Variants in FLT4 observed in about 807,000 individuals in gnomAD.
The protein encoded by FLT4 is vascular endothelial growth factor receptor 3.
A neutral mutation model predicts 163.2 loss-of-function variants in FLT4; 30 were observed. The observed-to-expected ratio is 0.18, with a 90% CI of 0.14 to 0.25. The LOEUF (loss-of-function observed/expected upper bound fraction) is 0.25. Among genes scored for constraint, FLT4 ranks in the 10% least tolerant of loss-of-function variants. The pLI is 1.00. For synonymous variants in FLT4, 884 were observed against 789.5 expected, an observed-to-expected ratio of 1.12 and a Z score of -2.01; for missense variants, 1,510 against 1,863.8, an observed-to-expected ratio of 0.81 and a Z score of 3.50.
chr5:180,620,801 C>A lies in FLT4; in HGVS notation c.2299+75G>T. ...GCAGCACCCCTTCTGGTGGCCACGA[C>A]TTGCCCAAGGTGGCCACAAGAAAGC... On this transcript the variant is annotated intron_variant, in intron 15 of 29. Transcript: ENST00000261937. The surrounding 1 kb of genome is among the most constrained non-coding windows in gnomAD (Gnocchi z 4.4). 6.2e-7 allele frequency: 1 copy of A among 1,605,744 alleles called. No individual in the cohort carries two copies. Among genetic ancestry groups the A allele is most frequent in the Non-Finnish European group, 8.5e-7 (1 of 1,175,384 alleles).
intron 23 of FLT4, among the ~76,000 whole-genome samples, chr5:180,615,439 T>TG (rs780855437): frequency 4.9e-3 from 61 of 12,538 alleles, no homozygotes; most frequent in South Asian, 0.021. Context: ...TTCGGAGCAC[T>TG]GGGCCCGCCG....
chr5:180,626,316 A>G, intron 8 of FLT4, 51 bp from the exon 9 acceptor site: 1 of 1,594,614 alleles, frequency 6.3e-7, no homozygotes, highest in East Asian at 2.2e-5. Flanking sequence ...CACAGCCCCA[A>G]CCTCATGCTG....
chr5:180,605,779 A>C (rs1761749943), intron 29 of FLT4, among the ~76,000 whole-genome samples: 1 of 152,226 alleles, frequency 6.6e-6, no homozygotes, highest in African/African-American at 2.4e-5. Flanking sequence ...GCACGCAGCC[A>C]TGCTGAGTGA....
At chr5:180,643,405 C>T (rs2034543053) in intron 1 of FLT4, among the ~76,000 whole-genome samples, 1 of 152,186 alleles carries the variant, frequency 6.6e-6, no homozygotes. Context: ...TTTCTGGCCG[C>T]AGAACCCCTC....
intron 29 of FLT4, among the ~76,000 whole-genome samples, chr5:180,604,893 CTG>C (rs1581600054): frequency 1.3e-5 from 2 of 152,354 alleles, no homozygotes; most frequent in East Asian, 3.9e-4. Flanking sequence ...CGTCCATCCT[CTG>C]TGTCTGGCAC....
At chr5:180,627,389 G>A (rs1480892350) in intron 8 of FLT4, among the ~76,000 whole-genome samples, 6 of 152,176 alleles carry the variant, frequency 3.9e-5, no homozygotes, top group Non-Finnish European at 8.8e-5. Flanking sequence ...GCATGGCTCT[G>A]GTCCTGAGTC....
chr5:180,621,530 G>C lies in FLT4; in HGVS notation c.2020+12C>G, dbSNP rs1476182791. ...GAGAGCGCGTCCCCGCCCTCCCCGC[G>C]GCCAGCCTCACCCTGCACCGACAGG... On this transcript the variant is annotated intron_variant, in intron 13 of 29. Coordinates refer to ENST00000261937, the MANE Select transcript of FLT4 (RefSeq NM_182925.5). 4.3e-6 allele frequency: 7 copies of C among 1,611,050 alleles called. No homozygotes were observed. In the South Asian group the frequency reaches 5.5e-5, roughly 13 times the overall value.
At chr5:180,613,704 C>A in intron 24 of FLT4, 1 of 388,634 alleles carries the variant, frequency 2.6e-6, no homozygotes, top group Non-Finnish European at 4.9e-6. Context: ...GGCCTGGAGA[C>A]TTCATCATGC....
rs2127836726 is a variant in FLT4 at position 180,630,210 on chromosome 5, G to A, written c.513+15C>T. The stretch of plus-strand genomic sequence containing the variant: ...GATGGGAGGGTCGGATGCTGGGGTT[G>A]GGGTGGGGCCGTACCGAGCGCAGCG... On this transcript the variant is annotated intron_variant, in intron 4 of 29. Transcript: ENST00000261937. This position sits in a 1 kb window ranked among gnomAD's most constrained non-coding sequence, Gnocchi z 6.3. The A allele has an allele frequency of 6.2e-7, 1 of 1,610,808 alleles. No individual in the cohort carries two copies. Among genetic ancestry groups the A allele is most frequent in the Non-Finnish European group, 8.5e-7 (1 of 1,178,394 alleles).
At position 180,626,029 on chromosome 5, in the gene FLT4, G is replaced by A. The variant is rs776682740; in HGVS notation, c.1261C>T (p.Pro421Ser). ...GCCTCCTTCTCATGTATCTGGGGGGGCACTGTGGGCACACAGATGGCCGGT... is the reference window on the plus strand; with the variant it reads ...GCCTCCTTCTCATGTATCTGGGGGGACACTGTGGGCACACAGATGGCCGGT... Reference protein sequence around the residue: ...NISLELVVNVPPQIHEKEASS... With the variant: ...NISLELVVNVSPQIHEKEASS... Residue 421 changes from proline to serine, a missense_variant and splice_region_variant, in exon 10 of 30, where the codon CCC becomes TCC. Pro to Ser is a moderately conservative substitution (Grantham distance 74). Around this residue, in one of 5 missense-constraint regions of FLT4, gnomAD observed 878 missense variants for 1,016.7 expected, o/e 0.86. Transcript: ENST00000261937. 4.3e-6 allele frequency: 7 copies of A among 1,612,570 alleles called. No individual in the cohort carries two copies. In the East Asian group the frequency reaches 1.3e-4, roughly 31 times the overall value.
chr5:180,631,066 C>T (rs930398336), intron 2 of FLT4, among the ~76,000 whole-genome samples: 2 of 152,060 alleles, frequency 1.3e-5, no homozygotes, highest in East Asian at 1.9e-4. Context: ...CTCTGGGGCC[C>T]CAGTGGGTGC....
At chr5:180,612,972 T>C in intron 25 of FLT4, 39 bp downstream of exon 25, 1 of 1,525,476 alleles carries the variant, frequency 6.6e-7, no homozygotes, top group Non-Finnish European at 9.0e-7. Flanking sequence ...CCCCGACGCT[T>C]GCTGTCCCCA....
chr5:180,608,146 T>A, intron 29 of FLT4: 1 of 700,462 alleles, frequency 1.4e-6, no homozygotes, highest in Non-Finnish European at 2.6e-6. Context: ...GCTCCTCTTG[T>A]CCTCCTGGTT....
In FLT4 at chr5:180,609,996, C is replaced by A. The variant is rs770911540; in HGVS notation, c.3716G>T (p.Cys1239Phe). The change falls in exon 28 of 30, where the codon TGC (cysteine) becomes TTC (phenylalanine). Residue 1239 changes from cysteine (C) to phenylalanine (F), a missense_variant. This residue lies in a region of FLT4 where 295 missense variants were observed against 311.0 expected (regional missense o/e 0.95). Coordinates refer to ENST00000261937, the MANE Select transcript of FLT4 (RefSeq NM_182925.5). ...ACGGGTCTCAGCCCCTCTGGCCAGG[C>A]ACCCGGGAAAGGACACCCAGTTGTA... ...RYYNWVSFPG[C>F]LARGAETRGS... The A allele has an allele frequency of 6.2e-7, 1 of 1,614,194 alleles. No homozygotes were observed. Among genetic ancestry groups the A allele is most frequent in the Admixed American group, 1.7e-5 (1 of 60,030 alleles).
Position 180,620,635 on chromosome 5 carries a change from G to C in FLT4, c.2380C>G (p.Leu794Val). The C allele has an allele frequency of 6.2e-7, 1 of 1,612,984 alleles. No homozygotes were observed. The highest frequency in any genetic ancestry group is 8.5e-7 in the Non-Finnish European group (1 of 1,179,484). ...VIAVFFWVLLLLIFCNMRRPA... is the reference protein window; with the variant it reads ...VIAVFFWVLLVLIFCNMRRPA... ...CTCCTCATGTTACAGAAGATGAGGA[G>C]GAGGAGGACCCAGAAGAAGACAGCG... is the stretch of plus-strand genomic sequence containing the variant. Residue 794 changes from leucine to valine, a missense_variant, in exon 16 of 30, where the codon CTC becomes GTC. Around this residue, in one of 5 missense-constraint regions of FLT4, gnomAD observed 878 missense variants for 1,016.7 expected, o/e 0.86. Coordinates refer to ENST00000261937, the MANE Select transcript of FLT4 (RefSeq NM_182925.5). This position sits in a 1 kb window ranked among gnomAD's most constrained non-coding sequence, Gnocchi z 4.4.
At chr5:180,612,460 G>T in intron 26 of FLT4, 46 bp downstream of exon 26, 1 of 1,411,300 alleles carries the variant, frequency 7.1e-7, no homozygotes, top group Non-Finnish European at 1.0e-6. Context: ...GGGACCCAGG[G>T]CAGGGGCCAA....
chr5:180,607,752 G>A (rs1325629865), intron 29 of FLT4, among the ~76,000 whole-genome samples: 1 of 152,052 alleles, frequency 6.6e-6, no homozygotes, highest in Non-Finnish European at 1.5e-5. Flanking sequence ...TCAGTCATTA[G>A]TATAAACATG....
At position 180,619,259 on chromosome 5, in the gene FLT4, G is replaced by C; in HGVS notation, c.2755C>G (p.Pro919Ala). 2.5e-6 allele frequency: 4 copies of C among 1,608,208 alleles called. No homozygotes were observed. In the Middle Eastern group the frequency reaches 6.6e-4, roughly 267 times the overall value. ...VVNLLGACTKPQGPLMVIVEF... is the reference protein window; with the variant it reads ...VVNLLGACTKAQGPLMVIVEF... ...CGGGCCGCCCGCTCCGTACCCTGCG[G>C]CTTGGTGCACGCCCCGAGGAGGTTG... Residue 919 changes from proline to alanine, a missense_variant, in exon 19 of 30, where the codon CCG (proline) becomes GCG (alanine). By Grantham distance (27) the Pro-to-Ala change is conservative (BLOSUM62 -1). Around this residue, in one of 5 missense-constraint regions of FLT4, gnomAD observed 878 missense variants for 1,016.7 expected, o/e 0.86. Coordinates refer to ENST00000261937, the MANE Select transcript of FLT4 (RefSeq NM_182925.5).
intron 23 of FLT4, 135 bp downstream of exon 23, chr5:180,616,232 C>T: frequency 7.9e-7 from 1 of 1,268,550 alleles, no homozygotes; most frequent in African/African-American, 1.5e-5. Flanking sequence ...CCACCAGCAG[C>T]TGGGCACATG....
Sources: gnomAD v4.1 joint callset for allele counts (sites outside exome capture counted in the v4.1 genomes callset) on GRCh38, gnomAD v4.1.1 for gene constraint, gnomAD v4.1.1 regional missense constraint, Gnocchi (gnomAD v3.1) non-coding constraint, MANE v1.5 for transcripts, NCBI Gene and HGNC (gene_info 2026-07-23, HGNC 2026-07-21) for gene names.